The following GMDS variants were observed in gnomAD, a reference collection of about 807,000 sequenced individuals.
GMDS encodes GDP-mannose 4,6 dehydratase.
Under a neutral mutation model 49.9 loss-of-function variants are expected in GMDS, and 20 were observed. The observed-to-expected ratio is 0.40, with a 90% confidence interval of 0.28 to 0.58. The LOEUF is 0.58. GMDS is among the 20% of genes least tolerant of loss of function. The pLI is 0.42. For synonymous variants in GMDS, 177 were observed against 178.6 expected (o/e 0.99, Z 0.07); for missense variants, 362 against 481.4 (o/e 0.75, Z 2.32).
chr6:1,865,979 G>A (rs555940735), intron 7 of GMDS, among the ~76,000 whole-genome samples: 9 of 152,270 alleles, frequency 5.9e-5, no homozygotes, highest in Non-Finnish European at 8.8e-5. Context: ...TTCCTGGCTG[G>A]CAAACTGTGG....
chr6:1,851,098 TGAGA>T (rs1249746391), intron 7 of GMDS, among the ~76,000 whole-genome samples: 1 of 152,170 alleles, frequency 6.6e-6, no homozygotes, highest in East Asian at 1.9e-4. Context: ...TTAAGGACTT[TGAGA>T]GATTTACTGG....
intron 7 of GMDS, among the ~76,000 whole-genome samples, chr6:1,797,479 T>C (rs1324506045): frequency 2.6e-5 from 4 of 152,224 alleles, no homozygotes; most frequent in Non-Finnish European, 5.9e-5. Flanking sequence ...GTAAGTGTTT[T>C]GTGATGTTTT....
intron 1 of GMDS, among the ~76,000 whole-genome samples, chr6:2,206,554 T>A: frequency 6.6e-6 from 1 of 152,202 alleles, no homozygotes; most frequent in Non-Finnish European, 1.5e-5. Context: ...TCATCAACTT[T>A]GTCAAACTCA....
chr6:2,138,185 G>A (rs904118215), intron 1 of GMDS, among the ~76,000 whole-genome samples: 3 of 152,116 alleles, frequency 2.0e-5, no homozygotes, highest in Non-Finnish European at 4.4e-5. Context: ...CTTAAAGTCT[G>A]TATTAATCGG....
chr6:1,808,121 G>A (rs983431183), intron 7 of GMDS, among the ~76,000 whole-genome samples: 2 of 152,180 alleles, frequency 1.3e-5, no homozygotes, highest in African/African-American at 4.8e-5. Context: ...TTCTTGTCAT[G>A]TATTTGATCA....
intron 1 of GMDS, among the ~76,000 whole-genome samples, chr6:2,241,727 T>C (rs1781623787): frequency 6.6e-6 from 1 of 152,174 alleles, no homozygotes; most frequent in African/African-American, 2.4e-5. Flanking sequence ...AGTGGAAGCC[T>C]AAAGCTTTCA....
At chr6:1,731,000 C>T (rs1419368500) in intron 8 of GMDS, among the ~76,000 whole-genome samples, 2 of 152,180 alleles carry the variant, frequency 1.3e-5, no homozygotes, top group East Asian at 1.9e-4. Context: ...AAAATCCCCA[C>T]ATCTACCACC....
chr6:1,634,676 G>C (rs1763089613), intron 9 of GMDS, among the ~76,000 whole-genome samples: 1 of 152,126 alleles, frequency 6.6e-6, no homozygotes, highest in African/African-American at 2.4e-5. Flanking sequence ...TAAGTGCTGG[G>C]GGCATATGCT....
intron 6 of GMDS, among the ~76,000 whole-genome samples, chr6:1,942,515 G>A (rs1040740450): frequency 8.5e-5 from 13 of 152,198 alleles, no homozygotes; most frequent in Non-Finnish European, 1.9e-4. Flanking sequence ...GGTTGAGGGA[G>A]TGGAAACCTG....
At chr6:1,793,507 T>C (rs1171291240) in intron 7 of GMDS, among the ~76,000 whole-genome samples, 1 of 152,226 alleles carries the variant, frequency 6.6e-6, no homozygotes, top group Non-Finnish European at 1.5e-5. Context: ...GTCCATGGAC[T>C]TGATGAGTCT....
chr6:1,995,098 A>C (rs1291840644), intron 4 of GMDS, among the ~76,000 whole-genome samples: 2 of 152,220 alleles, frequency 1.3e-5, no homozygotes, highest in Admixed American at 1.3e-4. Context: ...GCAAGCCGTA[A>C]GCAGCAACCT....
At chr6:2,073,118 A>G (rs1772111490) in intron 4 of GMDS, among the ~76,000 whole-genome samples, 1 of 152,214 alleles carries the variant, frequency 6.6e-6, no homozygotes, top group African/African-American at 2.4e-5. Flanking sequence ...CCTGATGCAG[A>G]CCATGTTAAT....
Position 1,907,952 on chromosome 6 carries a change from G to A in GMDS, c.771+22151C>T, listed in dbSNP as rs185046247. 1.2e-4 allele frequency among the ~76,000 whole-genome samples: 19 copies of A among 152,194 alleles called. No individual in the cohort carries two copies. The East Asian group carries it at 3.5e-3, about 28-fold the overall frequency. On this transcript the variant is annotated intron_variant, in intron 7 of 10. Transcript: ENST00000380815. ...CATGCATACATATCCACGATAAATC[G>A]TTTAAAAATTAGACACAGTAAGAGC...
chr6:2,058,863 C>T (rs1457303294), intron 4 of GMDS, among the ~76,000 whole-genome samples: 1 of 152,132 alleles, frequency 6.6e-6, no homozygotes, highest in African/African-American at 2.4e-5. Flanking sequence ...TAGATTTCAG[C>T]TAAAATTGCT....
At chr6:1,840,192 C>T (rs1757096459) in intron 7 of GMDS, among the ~76,000 whole-genome samples, 1 of 152,048 alleles carries the variant, frequency 6.6e-6, no homozygotes. Context: ...TAGGCAATAC[C>T]CACTTTAAAA....
At chr6:1,871,222 CG>C (rs1758728910) in intron 7 of GMDS, among the ~76,000 whole-genome samples, 1 of 152,168 alleles carries the variant, frequency 6.6e-6, no homozygotes, top group Non-Finnish European at 1.5e-5. Flanking sequence ...TGTGACTTCT[CG>C]GCCTCACTGT....
intron 6 of GMDS, among the ~76,000 whole-genome samples, chr6:1,944,694 A>ATT (rs1762990842): frequency 7.2e-6 from 1 of 138,696 alleles, no homozygotes; most frequent in African/African-American, 2.7e-5. Flanking sequence ...AAAAAAAAAA[A>ATT]TTTCACGTTC....
At chr6:1,871,878 GA>G (rs1758776888) in intron 7 of GMDS, among the ~76,000 whole-genome samples, 1 of 152,192 alleles carries the variant, frequency 6.6e-6, no homozygotes, top group Admixed American at 6.5e-5. Context: ...TTTTGTGAAT[GA>G]GGACGAAGAT....
At chr6:2,235,881 T>C (rs1781336544) in intron 1 of GMDS, among the ~76,000 whole-genome samples, 1 of 151,754 alleles carries the variant, frequency 6.6e-6, no homozygotes, top group African/African-American at 2.4e-5. Context: ...CTGGTAAGTT[T>C]CAGGAACAAG....
Sources: gnomAD v4.1 joint callset for allele counts (sites outside exome capture counted in the v4.1 genomes callset) on GRCh38, gnomAD v4.1.1 for gene constraint, MANE v1.5 for transcripts, NCBI Gene and HGNC (gene_info 2026-07-23, HGNC 2026-07-21) for gene names.